ANKRD30B: variants seen among roughly 807,000 people sequenced by gnomAD.
The protein encoded by ANKRD30B is ankyrin repeat domain-containing protein 30B.
A neutral mutation model predicts 202.2 loss-of-function variants in ANKRD30B; 144 were observed. The ratio of observed to expected loss-of-function variants is 0.71; its 90% CI spans 0.62 to 0.82. The LOEUF (loss-of-function observed/expected upper bound fraction) is 0.82, where lower values mean the gene tolerates loss of function less well. Ranked by LOEUF, ANKRD30B falls within the 40% of genes least tolerant of loss-of-function variation. The pLI is 0.00. For synonymous variants in ANKRD30B, 508 were observed against 561.3 expected, an observed-to-expected ratio of 0.91 and a Z score of 1.34; for missense variants, 1,487 against 1,669.1, an observed-to-expected ratio of 0.89 and a Z score of 1.90.
At chr18:14,821,402 CT>C (rs1178570855) in intron 30 of ANKRD30B, among the ~76,000 whole-genome samples, 1 of 152,116 alleles carries the variant, frequency 6.6e-6, no homozygotes, top group Non-Finnish European at 1.5e-5. Flanking sequence ...TTGCCTTCTA[CT>C]AGCTTTTGAA....
chr18:14,916,645 C>A, the ANKRD30B span, among the ~76,000 whole-genome samples: 1 of 152,124 alleles, frequency 6.6e-6, no homozygotes, highest in Non-Finnish European at 1.5e-5. Flanking sequence ...GCAGAGTGAT[C>A]TAGAACAAAA....
At chr18:14,908,176 C>T in the ANKRD30B span, among the ~76,000 whole-genome samples, 10 of 151,904 alleles carry the variant, frequency 6.6e-5, no homozygotes, top group Non-Finnish European at 1.2e-4. Flanking sequence ...TTGTATGAAG[C>T]CTCACAGGTA....
intron 32 of ANKRD30B, 62 bp downstream of exon 32, chr18:14,822,739 A>G: frequency 1.6e-6 from 2 of 1,269,678 alleles, no homozygotes; most frequent in Non-Finnish European, 2.1e-6. Flanking sequence ...TGAAGTGCCA[A>G]GAGCCTTTTT....
rs768024350 is a variant in ANKRD30B at position 14,851,595 on chromosome 18, A to G, written c.3651A>G (p.Val1217=). 20 of 1,609,794 alleles carry G rather than the reference A, an allele frequency of 1.2e-5. No homozygotes were observed. Among genetic ancestry groups the G allele is most frequent in the Non-Finnish European group, 5.1e-6 (6 of 1,178,476 alleles). The change falls in exon 42 of 44, where the codon GTA becomes GTG. Residue 1217 remains valine (V), a synonymous_variant. Transcript: ENST00000690538. ...AAATTGCCATGCTAAAACTGGAAGTAGCCACACTGAAACATCAACACCAGG... is the reference window on the plus strand; with the variant it reads ...AAATTGCCATGCTAAAACTGGAAGTGGCCACACTGAAACATCAACACCAGG... ...KKEIAMLKLE[V]ATLKHQHQVK... is the part of the protein sequence containing the mutation.
At chr18:14,853,342 G>A (rs1466752799) in intron 42 of ANKRD30B, among the ~76,000 whole-genome samples, 3 of 152,148 alleles carry the variant, frequency 2.0e-5, no homozygotes, top group Non-Finnish European at 4.4e-5. Context: ...CTGAGGTCAG[G>A]AGGGATGTGG....
intron 15 of ANKRD30B, 28 bp downstream of exon 15, chr18:14,787,128 T>C (rs1233312647): frequency 6.3e-7 from 1 of 1,577,312 alleles, no homozygotes; most frequent in Non-Finnish European, 8.7e-7. Context: ...TTTTTTTAAA[T>C]ATTAGTATTG....
intron 9 of ANKRD30B, among the ~76,000 whole-genome samples, chr18:14,773,599 A>G (rs371088582): frequency 6.6e-6 from 1 of 152,042 alleles, no homozygotes; most frequent in African/African-American, 2.4e-5. Flanking sequence ...AGATTACACT[A>G]TATTTTCTAG....
In ANKRD30B at chr18:14,851,532, A is replaced by G; in HGVS notation, c.3588A>G (p.Glu1196=). The change falls in exon 42 of 44, where the codon GAA becomes GAG. Residue 1196 remains glutamate (E), a synonymous_variant. Transcript: ENST00000690538. ...AGGTTTCTCACACTCATGAAAGTGA[A>G]AATGATCTCTTTCATGAAAATTGCA... ...LNQVSHTHES[E]NDLFHENCML... is the part of the protein sequence containing the mutation. The G allele has an allele frequency of 6.5e-7, 1 of 1,548,252 alleles. No homozygotes were observed.
intron 33 of ANKRD30B, 110 bp from the exon 34 acceptor site, chr18:14,831,273 G>C (rs1398015588): frequency 4.6e-6 from 3 of 658,334 alleles, no homozygotes; most frequent in African/African-American, 1.9e-5. Flanking sequence ...TCTTTCCCCA[G>C]ATTTTGTTTT....
chr18:14,815,638 T>A (rs1376814829), intron 30 of ANKRD30B, among the ~76,000 whole-genome samples: 2 of 152,194 alleles, frequency 1.3e-5, no homozygotes. Flanking sequence ...GAGTATGTTT[T>A]TAGCCAGAGA....
rs543180629 is a variant in ANKRD30B, at chr18:14,800,176, G to C, written c.2131+881G>C. 2.2e-4 allele frequency among the ~76,000 whole-genome samples: 34 copies of C among 151,392 alleles called. No individual in the cohort carries two copies. The East Asian group carries it at 6.4e-3, about 28-fold the overall frequency. Reference sequence around the variant, plus strand: ...GAACCCATGAGGCAGAAGTTGCAGTGAGCCAAGCTTGTGCCACTTTAGCCT... The same window carrying C: ...GAACCCATGAGGCAGAAGTTGCAGTCAGCCAAGCTTGTGCCACTTTAGCCT... On this transcript the variant is annotated intron_variant, in intron 22 of 43. Transcript: ENST00000690538.
At chr18:14,772,880 G>A (rs912236691) in intron 9 of ANKRD30B, among the ~76,000 whole-genome samples, 3 of 152,200 alleles carry the variant, frequency 2.0e-5, no homozygotes, top group South Asian at 2.1e-4. Flanking sequence ...TACCAGGGAG[G>A]CTGATGCAGG....
chr18:14,757,925 G>A lies in ANKRD30B; in HGVS notation c.728G>A (p.Arg243His), dbSNP rs766260312. The change falls in exon 5 of 44, where the codon CGT becomes CAT. Residue 243 changes from arginine (R) to histidine (H), a missense_variant. Coordinates refer to ENST00000690538, the MANE Select transcript of ANKRD30B (RefSeq NM_001367607.2). ...GACATACATGGAATAACTGCAGAAC[G>A]TTATGCTGCTGCTTGTGGAGTTAAT... ...AEDIHGITAE[R>H]YAAACGVNYI... 15 of 1,605,514 alleles carry A rather than the reference G, an allele frequency of 9.3e-6. No homozygotes were observed. The highest frequency in any genetic ancestry group is 8.9e-5 in the South Asian group (8 of 90,084).
At chr18:14,932,940 G>A in the ANKRD30B span, among the ~76,000 whole-genome samples, 1 of 151,918 alleles carries the variant, frequency 6.6e-6, no homozygotes, top group African/African-American at 2.4e-5. Context: ...TTTTTTGGAG[G>A]GAAAAAAATA....
At chr18:14,877,150 T>A in the ANKRD30B span, among the ~76,000 whole-genome samples, 1 of 152,252 alleles carries the variant, frequency 6.6e-6, no homozygotes, top group South Asian at 2.1e-4. Context: ...GAGTTTAGTC[T>A]GGGGCCTACT....
chr18:14,810,550 G>C (rs1969855474), intron 28 of ANKRD30B, among the ~76,000 whole-genome samples: 1 of 151,090 alleles, frequency 6.6e-6, no homozygotes, highest in African/African-American at 2.4e-5. Context: ...AGTTTCACTT[G>C]CTGACGTGAC....
chr18:14,878,391 C>T, the ANKRD30B span, among the ~76,000 whole-genome samples: 2 of 152,194 alleles, frequency 1.3e-5, no homozygotes, highest in South Asian at 4.1e-4. Context: ...CCCATTTACA[C>T]TTTACTGCAC....
chr18:14,890,952 A>G, the ANKRD30B span, among the ~76,000 whole-genome samples: 2 of 152,132 alleles, frequency 1.3e-5, no homozygotes, highest in Non-Finnish European at 2.9e-5. Context: ...CCTTTATTAC[A>G]TATATCTTCC....
chr18:14,909,959 CT>C, the ANKRD30B span: 1 of 151,926 alleles, frequency 6.6e-6, no homozygotes, highest in East Asian at 1.9e-4. Context: ...AGATGCGCCC[CT>C]GCCATGGAGC....
Sources: gnomAD v4.1 joint callset for allele counts (sites outside exome capture counted in the v4.1 genomes callset) on GRCh38, gnomAD v4.1.1 for gene constraint, MANE v1.5 for transcripts, NCBI Gene and HGNC (gene_info 2026-07-23, HGNC 2026-07-21) for gene names.